The following MICAL3 variants were observed in gnomAD, a reference collection of about 807,000 sequenced individuals.
MICAL3 encodes [F-actin]-monooxygenase MICAL3.
MICAL3 carries 62 observed loss-of-function variants against 207.4 expected under a neutral mutation model. That is an observed-to-expected ratio of 0.30 (90% CI 0.24 to 0.37). The LOEUF is 0.37. MICAL3 is among the 10% of genes least tolerant of loss of function. The pLI is 1.00. For missense variants in MICAL3, 2,368 were observed against 2,635.6 expected (o/e 0.90, Z 2.22); for synonymous variants, 1,077 against 1,069.3 (o/e 1.01, Z -0.14).
At chr22:17,834,225 C>T (rs1923115766) in intron 20 of MICAL3, 4 of 1,086,804 alleles carry the variant, frequency 3.7e-6, no homozygotes, top group Non-Finnish European at 4.5e-6. Context: ...TGCTCAATGA[C>T]ACATTCATTC....
Position 17,864,069 on chromosome 22 carries a change from C to T in MICAL3, c.2605+830G>A, listed in dbSNP as rs573797433. On this transcript the variant is annotated intron_variant, in intron 19 of 31. Transcript: ENST00000441493. ...ACCCAGCAGTTTGTGGAGCTCTGGA[C>T]GCATCTCACAGGCAAGTTTTACAAG... 4.5e-5 allele frequency: 44 copies of T among 987,130 alleles called. No individual in the cohort carries two copies. The East Asian group carries it at 1.9e-3, about 43-fold the overall frequency. The allele number at this position is 987,130 out of a possible 1,614,324, so 61.1% of individuals were successfully genotyped here.
intron 27 of MICAL3, 123 bp from the exon 28 acceptor site, chr22:17,810,936 T>C (rs1437109004): frequency 7.0e-6 from 5 of 716,296 alleles, no homozygotes; most frequent in South Asian, 3.2e-5. Context: ...CCCGGGCAGA[T>C]AGGACAAGCT....
At chr22:17,812,548 C>T in intron 27 of MICAL3, 1 of 985,696 alleles carries the variant, frequency 1.0e-6, no homozygotes, top group Non-Finnish European at 1.2e-6. Flanking sequence ...GCGTGTGGTA[C>T]ATAAATTGAC....
At position 17,891,581 on chromosome 22, in the gene MICAL3, T is replaced by A; in HGVS notation, c.1598A>T (p.Asp533Val). 6.2e-7 allele frequency: 1 copy of A among 1,613,970 alleles called. No homozygotes were observed. Among genetic ancestry groups the A allele is most frequent in the Non-Finnish European group, 8.5e-7 (1 of 1,179,862 alleles). ...KLLGWCQRQT[D>V]GYAGVNVTDL... ...TGTCACGTTTACCCCTGCATAGCCATCTGTCTGCCTCTGGCACCAACCCAG... is the reference window on the plus strand; with the variant it reads ...TGTCACGTTTACCCCTGCATAGCCAACTGTCTGCCTCTGGCACCAACCCAG... Residue 533 changes from aspartate to valine, a missense_variant, in exon 12 of 32, where the codon GAT becomes GTT. Around this residue, in one of 4 missense-constraint regions of MICAL3, gnomAD observed 147 missense variants for 137.7 expected, o/e 1.07. Transcript: ENST00000441493.
At chr22:17,939,067 AGTTAGTGGATTAATGG>A (rs1933689483) in intron 1 of MICAL3, among the ~76,000 whole-genome samples, 1 of 152,090 alleles carries the variant, frequency 6.6e-6, no homozygotes, top group Admixed American at 6.5e-5. Context: ...TGGATTAATG[AGTTAGTGGATTAATGG>A]GTTATCATGG....
At chr22:17,968,995 G>A (rs993674461) in intron 1 of MICAL3, among the ~76,000 whole-genome samples, 3 of 152,108 alleles carry the variant, frequency 2.0e-5, no homozygotes, top group Admixed American at 6.6e-5. Flanking sequence ...TCAAAAATAT[G>A]TAAAATTCAA....
At chr22:18,023,705 A>G (rs1393797631) in intron 1 of MICAL3, among the ~76,000 whole-genome samples, 1 of 152,212 alleles carries the variant, frequency 6.6e-6, no homozygotes, top group Non-Finnish European at 1.5e-5. Context: ...CGCGCCCTGC[A>G]GCCTGGGAGC....
At chr22:17,950,166 A>ATTTTTTTTTTTTTTTTTT (rs10657913) in intron 1 of MICAL3, among the ~76,000 whole-genome samples, 6 of 144,012 alleles carry the variant, frequency 4.2e-5, no homozygotes, top group African/African-American at 5.3e-5. Flanking sequence ...ACAGCTGTCT[A>ATTTTTTTTTTTTTTTTTT]TTTTTTTTTT....
chr22:17,875,409 C>CG (rs1928188997), intron 16 of MICAL3: 3 of 1,327,090 alleles, frequency 2.3e-6, no homozygotes, highest in South Asian at 1.5e-5. Flanking sequence ...GTGGAGGCTG[C>CG]GGAGGGCAGA....
chr22:17,877,847 T>C (rs984417129), intron 16 of MICAL3, among the ~76,000 whole-genome samples: 3 of 152,080 alleles, frequency 2.0e-5, no homozygotes, highest in African/African-American at 7.2e-5. Flanking sequence ...CCTCCCTTCT[T>C]CTTTTTTTTG....
chr22:18,011,535 T>G (rs1378332389), intron 1 of MICAL3, among the ~76,000 whole-genome samples: 1 of 150,334 alleles, frequency 6.7e-6, no homozygotes, highest in Non-Finnish European at 1.5e-5. Context: ...GCCATTGCAC[T>G]CCAGCCTGGG....
chr22:17,842,806 G>A (rs923781003), intron 19 of MICAL3, among the ~76,000 whole-genome samples: 6 of 152,176 alleles, frequency 3.9e-5, no homozygotes, highest in South Asian at 2.1e-4. Flanking sequence ...TGCACAGGGC[G>A]TCACACCAGG....
At chr22:17,865,646 C>T (rs1039000862) in intron 18 of MICAL3, among the ~76,000 whole-genome samples, 7 of 152,192 alleles carry the variant, frequency 4.6e-5, no homozygotes, top group Non-Finnish European at 7.3e-5. Flanking sequence ...TGTGTGTTGA[C>T]GAAGGCAGAT....
chr22:17,994,505 C>G lies in MICAL3; in HGVS notation c.-75+29776G>C, dbSNP rs372794325. Among the ~76,000 whole-genome samples the G allele has an allele frequency of 1.6e-4, 25 of 152,294 alleles. 1 individual carries two copies. In the South Asian group the frequency reaches 5.2e-3, roughly 32 times the overall value. ...CTTTGCAGGGATCACCTGAGCCCAG[C>G]AGTTCAAGACCAGACTGGGCAACAC... On this transcript the variant is annotated intron_variant, in intron 1 of 31. Transcript: ENST00000441493.
chr22:17,878,468 G>A (rs966021470), intron 16 of MICAL3, among the ~76,000 whole-genome samples: 1 of 149,432 alleles, frequency 6.7e-6, no homozygotes, highest in South Asian at 2.2e-4. Flanking sequence ...CTGCTAGCCT[G>A]GTGAGAGGGC....
intron 1 of MICAL3, among the ~76,000 whole-genome samples, chr22:17,991,584 G>A (rs1921686566): frequency 6.6e-6 from 1 of 152,162 alleles, no homozygotes; most frequent in Non-Finnish European, 1.5e-5. Context: ...GCATGTAAAA[G>A]TGTCCTTCAT....
At chr22:18,019,747 A>T in intron 1 of MICAL3, 1 of 223,164 alleles carries the variant, frequency 4.5e-6, no homozygotes, top group Non-Finnish European at 9.4e-6. Context: ...AAGCTTTGGC[A>T]GAATCTTGGA....
At chr22:17,885,306 G>C (rs1367741905) in intron 16 of MICAL3, among the ~76,000 whole-genome samples, 1 of 152,154 alleles carries the variant, frequency 6.6e-6, no homozygotes, top group Non-Finnish European at 1.5e-5. Context: ...TCCAACACTA[G>C]AGCAACAGCT....
At chr22:17,837,036 C>A (rs924945016) in intron 20 of MICAL3, among the ~76,000 whole-genome samples, 2 of 152,222 alleles carry the variant, frequency 1.3e-5, no homozygotes, top group Non-Finnish European at 2.9e-5. Context: ...TCCTCTGTCC[C>A]GTTGGGCCAT....
Sources: gnomAD v4.1 joint callset for allele counts (sites outside exome capture counted in the v4.1 genomes callset) on GRCh38, gnomAD v4.1.1 for gene constraint, gnomAD v4.1.1 regional missense constraint, MANE v1.5 for transcripts, NCBI Gene and HGNC (gene_info 2026-07-23, HGNC 2026-07-21) for gene names.